ADGRB3: variants seen among roughly 807,000 people sequenced by gnomAD.
ADGRB3 encodes adhesion G protein-coupled receptor B3.
Under a neutral mutation model 193.4 loss-of-function variants are expected in ADGRB3, and 37 were observed. That is an observed-to-expected ratio of 0.19 (90% CI 0.15 to 0.25). The LOEUF (loss-of-function observed/expected upper bound fraction) is 0.25, where lower values mean the gene tolerates loss of function less well. ADGRB3 is among the 10% of genes least tolerant of loss of function. The pLI is 1.00. For synonymous variants in ADGRB3, 690 were observed against 644.2 expected (o/e 1.07, Z -1.08); for missense variants, 1,637 against 1,852.9 (o/e 0.88, Z 2.14).
chr6:68,719,639 A>T (rs1487438574), intron 3 of ADGRB3, among the ~76,000 whole-genome samples: 1 of 151,728 alleles, frequency 6.6e-6, no homozygotes, highest in Non-Finnish European at 1.5e-5. Flanking sequence ...AGAAATTAGA[A>T]ACCAGTTCCA....
chr6:69,135,700 A>G (rs1774131368), intron 17 of ADGRB3, among the ~76,000 whole-genome samples: 1 of 152,142 alleles, frequency 6.6e-6, no homozygotes, highest in South Asian at 2.1e-4. Context: ...CTTAACTTGG[A>G]AAATTCAGCA....
chr6:68,937,536 G>A (rs1406424010), intron 5 of ADGRB3, among the ~76,000 whole-genome samples: 2 of 152,154 alleles, frequency 1.3e-5, no homozygotes, highest in African/African-American at 4.8e-5. Flanking sequence ...GTTGACAGTG[G>A]ACTTGCATTC....
chr6:68,765,672 A>G (rs1465587605), intron 3 of ADGRB3, among the ~76,000 whole-genome samples: 1 of 151,944 alleles, frequency 6.6e-6, no homozygotes, highest in African/African-American at 2.4e-5. Context: ...ATCTTTATTT[A>G]TAAGTTTGAA....
intron 11 of ADGRB3, among the ~76,000 whole-genome samples, chr6:69,013,219 T>C (rs1769989442): frequency 6.6e-6 from 1 of 152,072 alleles, no homozygotes; most frequent in South Asian, 2.1e-4. Context: ...ACTTGCAAAA[T>C]AGGACTGAAC....
intron 3 of ADGRB3, among the ~76,000 whole-genome samples, chr6:68,806,500 G>T (rs1277972638): frequency 6.6e-6 from 1 of 151,818 alleles, no homozygotes; most frequent in Non-Finnish European, 1.5e-5. Flanking sequence ...CTATAAATCA[G>T]CAAGCAATTG....
At chr6:68,934,724 G>T (rs1386030483) in intron 4 of ADGRB3, among the ~76,000 whole-genome samples, 1 of 152,038 alleles carries the variant, frequency 6.6e-6, no homozygotes, top group Non-Finnish European at 1.5e-5. Context: ...ACACATATAT[G>T]TGGATTTTTT....
At chr6:68,749,406 A>ATGTGTGTGTGTG (rs1402921928) in intron 3 of ADGRB3, among the ~76,000 whole-genome samples, 6 of 101,074 alleles carry the variant, frequency 5.9e-5, no homozygotes, top group South Asian at 3.1e-4. Flanking sequence ...ATATATATAT[A>ATGTGTGTGTGTG]TATGTGTGTG....
chr6:69,010,072 A>C (rs1171585521), intron 11 of ADGRB3, among the ~76,000 whole-genome samples: 2 of 152,096 alleles, frequency 1.3e-5, no homozygotes, highest in African/African-American at 4.8e-5. Context: ...TGAATGCCAC[A>C]GAAGGATTTA....
intron 3 of ADGRB3, among the ~76,000 whole-genome samples, chr6:68,769,831 G>T (rs1766581091): frequency 6.6e-6 from 1 of 152,034 alleles, no homozygotes; most frequent in East Asian, 1.9e-4. Context: ...AAAAATAATA[G>T]ATATCAATCA....
At chr6:68,668,546 GT>G (rs1768856671) in intron 3 of ADGRB3, among the ~76,000 whole-genome samples, 1 of 151,868 alleles carries the variant, frequency 6.6e-6, no homozygotes, top group African/African-American at 2.4e-5. Flanking sequence ...CATATTCATA[GT>G]TTTTTAGATA....
chr6:68,830,142 C>G (rs181389394), intron 3 of ADGRB3, among the ~76,000 whole-genome samples: 1 of 152,206 alleles, frequency 6.6e-6, no homozygotes, highest in South Asian at 2.1e-4. Context: ...TCTTATGAAT[C>G]ATAAGTATTT....
intron 4 of ADGRB3, among the ~76,000 whole-genome samples, chr6:68,932,170 A>G (rs1333063996): frequency 6.6e-6 from 1 of 152,174 alleles, no homozygotes; most frequent in African/African-American, 2.4e-5. Flanking sequence ...GCAAGATTAA[A>G]AAAGGTGTAT....
intron 16 of ADGRB3, among the ~76,000 whole-genome samples, chr6:69,073,931 T>C (rs571620164): frequency 6.6e-6 from 1 of 152,310 alleles, no homozygotes; most frequent in Non-Finnish European, 1.5e-5. Flanking sequence ...AGGTTCTGTG[T>C]TTTGATTATT....
At chr6:68,867,988 C>T (rs1026843117) in intron 3 of ADGRB3, among the ~76,000 whole-genome samples, 2 of 152,070 alleles carry the variant, frequency 1.3e-5, no homozygotes, top group African/African-American at 2.4e-5. Context: ...AGACTTTGGA[C>T]TTTTGGGTTA....
chr6:69,049,560 C>A (rs1771334155), intron 15 of ADGRB3, among the ~76,000 whole-genome samples: 1 of 151,956 alleles, frequency 6.6e-6, no homozygotes, highest in Non-Finnish European at 1.5e-5. Context: ...TGTAGCCCTG[C>A]AAATTCTTTT....
At chr6:68,695,127 T>G (rs1426238272) in intron 3 of ADGRB3, among the ~76,000 whole-genome samples, 4 of 152,060 alleles carry the variant, frequency 2.6e-5, no homozygotes, top group Non-Finnish European at 5.9e-5. Context: ...TTAATTATTT[T>G]AATTTAAATG....
intron 20 of ADGRB3, among the ~76,000 whole-genome samples, chr6:69,247,597 A>G (rs1031359163): frequency 2.0e-5 from 3 of 152,168 alleles, no homozygotes; most frequent in African/African-American, 4.8e-5. Flanking sequence ...TTCTGCTTTC[A>G]TAGCATGTGA....
intron 13 of ADGRB3, among the ~76,000 whole-genome samples, chr6:69,045,610 G>T (rs1352295497): frequency 6.6e-6 from 1 of 151,902 alleles, no homozygotes; most frequent in Admixed American, 6.6e-5. Flanking sequence ...AAAACAACAT[G>T]CTTTACATGA....
Position 69,127,910 on chromosome 6 carries a change from T to TG in ADGRB3, c.2480+51872_2480+51873insG, listed in dbSNP as rs1479686697. ...CAAGATAATAGTTTTTTTTTTGTTT[T>TG]TTTTTTCTGGCATGGCATTTGGACA... On this transcript the variant is annotated intron_variant, in intron 17 of 31. Coordinates refer to ENST00000370598, the MANE Select transcript of ADGRB3 (RefSeq NM_001704.3). Among the ~76,000 whole-genome samples, 126 of 150,662 alleles carry TG rather than the reference T, an allele frequency of 8.4e-4. 1 individual carries two copies. The highest frequency in any genetic ancestry group is 6.5e-3 in the East Asian group (32 of 4,950).
Sources: gnomAD v4.1 joint callset for allele counts (sites outside exome capture counted in the v4.1 genomes callset) on GRCh38, gnomAD v4.1.1 for gene constraint, MANE v1.5 for transcripts, NCBI Gene and HGNC (gene_info 2026-07-23, HGNC 2026-07-21) for gene names.